ASPHD1: variants seen among roughly 807,000 people sequenced by gnomAD.
ASPHD1 encodes aspartate beta-hydroxylase domain containing 1, also known as aspartate beta-hydroxylase domain-containing protein 1.
In ASPHD1, 20 loss-of-function variants were observed where a neutral mutation model predicts 28.3. That is an observed-to-expected ratio of 0.71 (90% confidence interval 0.50 to 1.03). The LOEUF is 1.03. Ranked by LOEUF, ASPHD1 falls within the 50% of genes least tolerant of loss-of-function variation. The probability of loss-of-function intolerance (pLI) is 0.00; values close to 1 mark genes in which losing one functional copy is unlikely to be tolerated. For missense variants in ASPHD1, 479 were observed against 524.1 expected, an observed-to-expected ratio of 0.91 and a Z score of 0.84; for synonymous variants, 240 against 221.2, an observed-to-expected ratio of 1.08 and a Z score of -0.75.
chr16:29,913,779 A>C (rs1012437027), intron 3 of ASPHD1: 1 of 152,316 alleles, frequency 6.6e-6, no homozygotes, highest in Non-Finnish European at 1.5e-5. Flanking sequence ...GCAGCATGGC[A>C]ACTGGCTTCT....
chr16:29,901,520 T>C lies in ASPHD1; in HGVS notation c.549T>C (p.Gly183=). The change falls in exon 1 of 3, where the codon GGT becomes GGC. Residue 183 remains glycine (G), a synonymous_variant. Transcript: ENST00000308748. The surrounding 1 kb of genome is among the most constrained non-coding windows in gnomAD (Gnocchi z 5.1). ...PGPGRGPGVL[G]IQRPGLLFLP... ...CTGGGAGAGGGCCAGGGGTCCTAGG[T>C]ATTCAGCGCCCAGGCCTGCTTTTCC... 6.3e-7 allele frequency: 1 copy of C among 1,587,168 alleles called. No individual in the cohort carries two copies. The highest frequency in any genetic ancestry group is 8.5e-7 in the Non-Finnish European group (1 of 1,171,832).
chr16:29,917,572 G>A (rs1389164627), intron 3 of ASPHD1, among the ~76,000 whole-genome samples: 1 of 152,114 alleles, frequency 6.6e-6, no homozygotes, highest in Non-Finnish European at 1.5e-5. Context: ...ACGAGGTCAG[G>A]AGTTCGAGAC....
intron 3 of ASPHD1, among the ~76,000 whole-genome samples, chr16:29,916,180 C>T (rs2068806124): frequency 6.6e-6 from 1 of 152,168 alleles, no homozygotes; most frequent in Non-Finnish European, 1.5e-5. Context: ...TAGCATTTTC[C>T]TAACTGTTCT....
chr16:29,911,960 C>G, intron 3 of ASPHD1: 1 of 1,611,302 alleles, frequency 6.2e-7, no homozygotes. Context: ...GGGGCCTCAC[C>G]TTGGAGGTGC....
downstream of ASPHD1, among the ~76,000 whole-genome samples, chr16:29,908,683 C>CTTTT (rs576706189): frequency 2.9e-5 from 4 of 136,196 alleles, no homozygotes; most frequent in African/African-American, 1.1e-4. Context: ...CATGCCCGGC[C>CTTTT]TTTTTTTTTT....
downstream of ASPHD1, chr16:29,906,148 CTTTTTTTTTTT>C: frequency 5.6e-6 from 1 of 177,324 alleles, no homozygotes; most frequent in Non-Finnish European, 1.1e-5. Context: ...TTTTTTCTTT[CTTTTTTTTTTT>C]TTTTTGTAGA....
In ASPHD1 at chr16:29,901,163, C is replaced by T; in HGVS notation, c.192C>T (p.Ala64=). The T allele has an allele frequency of 6.2e-7, 1 of 1,612,274 alleles. No individual in the cohort carries two copies. The part of the protein sequence containing the change: ...PEDAPGLLAR[A]SLIMLPWPLP... ...ACGCCCCAGGCCTCTTGGCCAGGGC[C>T]TCCCTGATCATGCTCCCGTGGCCAC... is the stretch of plus-strand genomic sequence containing the variant. The change falls in exon 1 of 3, where the codon GCC becomes GCT. Residue 64 remains alanine (A), a synonymous_variant. Transcript: ENST00000308748. This position sits in a 1 kb window ranked among gnomAD's most constrained non-coding sequence, Gnocchi z 5.1.
At chr16:29,911,844 G>A (rs201307373) in intron 3 of ASPHD1, 3 of 1,612,742 alleles carry the variant, frequency 1.9e-6, no homozygotes, top group Non-Finnish European at 2.5e-6. Flanking sequence ...TGTTACTGCG[G>A]TTGTGCAGGA....
chr16:29,911,309 C>G, intron 3 of ASPHD1: 1 of 688,492 alleles, frequency 1.5e-6, no homozygotes, highest in Non-Finnish European at 2.4e-6. Context: ...GCCTCCTCCA[C>G]CCCTGGGGCC....
At chr16:29,919,545 C>T (rs953788780) in exon 4 of ASPHD1, 1 of 152,066 alleles carries the variant, frequency 6.6e-6, no homozygotes, top group Non-Finnish European at 1.5e-5. Context: ...CCAGATGCAA[C>T]GTGAAGATCT....
Position 29,906,007 on chromosome 16 carries a change from T to TGGTG in ASPHD1, c.*112_*113insTGGG. On this transcript the variant is annotated 3_prime_UTR_variant, in exon 3 of 3. Coordinates refer to ENST00000308748, the MANE Select transcript of ASPHD1 (RefSeq NM_181718.4). ...TGCGGGGGTGGGCGGGGGCGGAGGA[T>TGGTG]GGGAACTGGCTAGTGAGCACTGAAA... 4 of 488,880 alleles carry TGGTG rather than the reference T, an allele frequency of 8.2e-6. No individual in the cohort carries two copies. Among genetic ancestry groups the TGGTG allele is most frequent in the East Asian group, 4.3e-5 (1 of 23,274 alleles). The allele number at this position is 488,880 out of a possible 1,614,324, so 30.3% of individuals were successfully genotyped here.
intron 3 of ASPHD1, chr16:29,912,136 A>G: frequency 2.4e-6 from 2 of 850,052 alleles, no homozygotes; most frequent in Non-Finnish European, 3.9e-6. Context: ...GGTTGGGAAC[A>G]ACTCCAGACT....
Position 29,900,898 on chromosome 16 carries a change from C to T in ASPHD1, c.-74C>T. 6.6e-6 allele frequency: 9 copies of T among 1,364,856 alleles called. No individual in the cohort carries two copies. Among genetic ancestry groups the T allele is most frequent in the Non-Finnish European group, 9.1e-6 (9 of 987,724 alleles). The allele number at this position is 1,364,856 out of a possible 1,614,324, so 84.5% of individuals were successfully genotyped here. ...GAGAAAGAAGAGGGTGAGGAGGCGA[C>T]AGAGGGAGAGGAGGAAGAAGAGGTA... is the stretch of plus-strand genomic sequence containing the variant. On this transcript the variant is annotated 5_prime_UTR_variant, in exon 1 of 3. Transcript: ENST00000308748.
chr16:29,909,219 T>G (rs2068663963), downstream of ASPHD1, among the ~76,000 whole-genome samples: 1 of 152,146 alleles, frequency 6.6e-6, no homozygotes, highest in Non-Finnish European at 1.5e-5. Context: ...AAACACTGTC[T>G]TTAGCTATGA....
downstream of ASPHD1, chr16:29,910,840 A>C: frequency 1.4e-6 from 1 of 696,906 alleles, no homozygotes; most frequent in Non-Finnish European, 2.4e-6. Flanking sequence ...TGGCTTGCCC[A>C]CTGTTGTGCA....
chr16:29,907,249 CT>C, downstream of ASPHD1: 1 of 604,548 alleles, frequency 1.7e-6, no homozygotes, highest in Admixed American at 3.0e-5. Flanking sequence ...TCTGCCACTC[CT>C]TTACTCAGCA....
chr16:29,909,126 G>T (rs2068661891), downstream of ASPHD1, among the ~76,000 whole-genome samples: 1 of 152,106 alleles, frequency 6.6e-6, no homozygotes, highest in Admixed American at 6.6e-5. Context: ...TGGGAGATAG[G>T]AAAGAAAAAG....
chr16:29,906,840 A>G, downstream of ASPHD1: 1 of 1,587,092 alleles, frequency 6.3e-7, no homozygotes. Flanking sequence ...CTGGGTCCCA[A>G]GGCAAGAGGA....
At chr16:29,908,279 G>C (rs1324516945), downstream of ASPHD1, among the ~76,000 whole-genome samples, 1 of 152,170 alleles carries the variant, frequency 6.6e-6, no homozygotes, top group Non-Finnish European at 1.5e-5. Flanking sequence ...AGATGAGAGG[G>C]AATGGAAAGG....
Sources: allele counts gnomAD v4.1 joint callset (sites outside exome capture counted in the v4.1 genomes callset), GRCh38; gene constraint gnomAD v4.1.1; non-coding constraint Gnocchi (gnomAD v3.1); transcripts MANE v1.5; gene names NCBI Gene and HGNC (gene_info 2026-07-23, HGNC 2026-07-21).